The following DDX10 variants were observed in gnomAD, a reference collection of about 807,000 sequenced individuals.
DDX10 encodes the protein DEAD-box helicase 10.
In DDX10, 74 loss-of-function variants were observed where a neutral mutation model predicts 104.3. That is an observed-to-expected ratio of 0.71 (90% CI 0.59 to 0.86). The LOEUF is 0.86. Ranked by LOEUF, DDX10 falls within the 40% of genes least tolerant of loss-of-function variation. The probability of loss-of-function intolerance (pLI) is 0.00; values close to 1 mark genes in which losing one functional copy is unlikely to be tolerated. For missense variants in DDX10, 952 were observed against 1,040.0 expected, an observed-to-expected ratio of 0.92 and a Z score of 1.16; for synonymous variants, 351 against 353.4, an observed-to-expected ratio of 0.99 and a Z score of 0.08.
At position 108,674,222 on chromosome 11, in the gene DDX10, C is replaced by T. The variant is rs572644090; in HGVS notation, c.247+695C>T. Reference sequence around the variant, plus strand: ...CTGTAATCCCAGCTACAGGCTGAGGCAGGGGAATCACTTGAACCTGGGAGG... The same window carrying T: ...CTGTAATCCCAGCTACAGGCTGAGGTAGGGGAATCACTTGAACCTGGGAGG... On this transcript the variant is annotated intron_variant, in intron 2 of 17. Coordinates refer to ENST00000322536, the MANE Select transcript of DDX10 (RefSeq NM_004398.4). Among the ~76,000 whole-genome samples the T allele has an allele frequency of 5.9e-5, 9 of 151,868 alleles. No individual in the cohort carries two copies. The South Asian group carries it at 1.9e-3, about 32-fold the overall frequency.
intron 13 of DDX10, among the ~76,000 whole-genome samples, chr11:108,824,254 G>C (rs1375620797): frequency 6.6e-6 from 1 of 152,128 alleles, no homozygotes; most frequent in Non-Finnish European, 1.5e-5. Flanking sequence ...TGTTGGCCAG[G>C]CTCATCTCGA....
chr11:108,874,770 C>T (rs1863129681), intron 16 of DDX10, among the ~76,000 whole-genome samples: 1 of 152,110 alleles, frequency 6.6e-6, no homozygotes, highest in African/African-American at 2.4e-5. Context: ...TACTTGACAT[C>T]TCAAAAGCTC....
chr11:108,867,870 C>T (rs900985694), intron 16 of DDX10, among the ~76,000 whole-genome samples: 1 of 152,112 alleles, frequency 6.6e-6, no homozygotes, highest in Non-Finnish European at 1.5e-5. Flanking sequence ...CCAGAGGGCA[C>T]TACTTTATTA....
intron 7 of DDX10, 82 bp from the exon 8 acceptor site, chr11:108,691,794 C>G: frequency 7.8e-7 from 1 of 1,280,962 alleles, no homozygotes; most frequent in Non-Finnish European, 1.1e-6. Flanking sequence ...GCTGTTGAGA[C>G]TCTGTGGGAT....
intron 13 of DDX10, among the ~76,000 whole-genome samples, chr11:108,739,401 C>T (rs1565263841): frequency 6.6e-6 from 1 of 152,188 alleles, no homozygotes; most frequent in Non-Finnish European, 1.5e-5. Flanking sequence ...CCAAAGTGTG[C>T]TTTCTGAGCA....
chr11:108,680,185 T>A (rs1045226853), intron 6 of DDX10, among the ~76,000 whole-genome samples: 1 of 152,214 alleles, frequency 6.6e-6, no homozygotes, highest in Admixed American at 6.5e-5. Context: ...GTATGTATGT[T>A]TGTGATATGC....
intron 17 of DDX10, among the ~76,000 whole-genome samples, chr11:108,932,869 T>C (rs1474986474): frequency 1.3e-5 from 2 of 152,018 alleles, no homozygotes. Context: ...GTTGAAATAT[T>C]GTATCTGCTG....
At chr11:108,939,784 C>T (rs911336893) in intron 17 of DDX10, among the ~76,000 whole-genome samples, 2 of 152,208 alleles carry the variant, frequency 1.3e-5, no homozygotes, top group African/African-American at 4.8e-5. Context: ...ATCTCAGGTT[C>T]TATTTTATGC....
At chr11:108,749,726 C>T (rs990075230) in intron 13 of DDX10, among the ~76,000 whole-genome samples, 12 of 152,140 alleles carry the variant, frequency 7.9e-5, no homozygotes, top group Non-Finnish European at 1.8e-4. Context: ...ATTTAATGAT[C>T]ATTTAAAGCG....
chr11:108,879,613 C>G (rs1863200305), intron 16 of DDX10, among the ~76,000 whole-genome samples: 1 of 152,084 alleles, frequency 6.6e-6, no homozygotes, highest in Non-Finnish European at 1.5e-5. Context: ...TTGAAGGCCC[C>G]AAAAGACAAA....
intron 7 of DDX10, among the ~76,000 whole-genome samples, chr11:108,689,469 T>A (rs2094249086): frequency 6.6e-6 from 1 of 152,218 alleles, no homozygotes; most frequent in Non-Finnish European, 1.5e-5. Flanking sequence ...CATCTCTTCA[T>A]CTAAATCTGG....
At chr11:108,788,277 G>GT (rs1213160962) in intron 13 of DDX10, among the ~76,000 whole-genome samples, 2 of 152,152 alleles carry the variant, frequency 1.3e-5, no homozygotes, top group Non-Finnish European at 2.9e-5. Context: ...TAAATGTGAT[G>GT]TAAGTTGGGT....
intron 16 of DDX10, among the ~76,000 whole-genome samples, chr11:108,871,545 A>G (rs1287852762): frequency 1.3e-5 from 2 of 152,242 alleles, no homozygotes; most frequent in Non-Finnish European, 2.9e-5. Context: ...CTAGAATTAA[A>G]AACAAATTTC....
chr11:108,713,769 C>A (rs1316976993), intron 10 of DDX10, among the ~76,000 whole-genome samples: 1 of 152,068 alleles, frequency 6.6e-6, no homozygotes, highest in African/African-American at 2.4e-5. Context: ...GTAAATAGGC[C>A]TTTAGTGATG....
intron 5 of DDX10, among the ~76,000 whole-genome samples, chr11:108,679,152 CA>C (rs2134441053): frequency 6.6e-6 from 1 of 152,218 alleles, no homozygotes; most frequent in South Asian, 2.1e-4. Context: ...CCACTGTGCC[CA>C]GCCTTCCCCT....
At chr11:108,742,863 C>A (rs2094326951) in intron 13 of DDX10, among the ~76,000 whole-genome samples, 1 of 152,090 alleles carries the variant, frequency 6.6e-6, no homozygotes, top group Admixed American at 6.6e-5. Flanking sequence ...CCTGAAGAGA[C>A]CAATAATGAG....
At chr11:108,701,580 A>C (rs1292450428) in intron 9 of DDX10, among the ~76,000 whole-genome samples, 2 of 151,398 alleles carry the variant, frequency 1.3e-5, no homozygotes, top group African/African-American at 4.8e-5. Context: ...GATTTATTTT[A>C]TCTAAAGTTA....
At chr11:108,747,593 A>G (rs1010479287) in intron 13 of DDX10, among the ~76,000 whole-genome samples, 4 of 151,962 alleles carry the variant, frequency 2.6e-5, no homozygotes, top group African/African-American at 9.7e-5. Context: ...AGTCCCTTTA[A>G]TTTCTGTGGA....
At chr11:108,692,802 C>T (rs11606434) in intron 8 of DDX10, among the ~76,000 whole-genome samples, 18,672 of 152,158 alleles carry the variant, frequency 0.12, 1,556 homozygotes, top group East Asian at 0.27. Flanking sequence ...TAGCTCACTA[C>T]AGCCTCGATC....
Sources: allele counts gnomAD v4.1 joint callset (sites outside exome capture counted in the v4.1 genomes callset), GRCh38; gene constraint gnomAD v4.1.1; transcripts MANE v1.5; gene names NCBI Gene and HGNC (gene_info 2026-07-23, HGNC 2026-07-21).